The following STARD9 variants were observed in gnomAD, a reference collection of about 807,000 sequenced individuals.
The protein encoded by STARD9 is stAR-related lipid transfer protein 9.
Under a neutral mutation model 399.8 loss-of-function variants are expected in STARD9, and 346 were observed. The observed-to-expected ratio is 0.87, with a 90% CI of 0.79 to 0.95. The LOEUF (loss-of-function observed/expected upper bound fraction) is 0.95. Ranked by LOEUF, STARD9 falls within the 40% of genes least tolerant of loss-of-function variation. STARD9 has a pLI of 0.00. For synonymous variants in STARD9, 2,203 were observed against 2,143.5 expected (o/e 1.03, Z -0.77); for missense variants, 5,832 against 5,667.5 (o/e 1.03, Z -0.93).
intron 7 of STARD9, among the ~76,000 whole-genome samples, chr15:42,643,133 C>G (rs897196796): frequency 1.3e-5 from 2 of 151,850 alleles, no homozygotes; most frequent in African/African-American, 4.8e-5. Context: ...ATTACAAGCC[C>G]CAAATCTTCT....
chr15:42,578,201 C>T (rs1014814453), intron 1 of STARD9, among the ~76,000 whole-genome samples: 1 of 151,854 alleles, frequency 6.6e-6, no homozygotes, highest in East Asian at 1.9e-4. Context: ...ACCTCCGCCT[C>T]CTGGGTTCAA....
chr15:42,614,433 G>A (rs930543066), intron 3 of STARD9, among the ~76,000 whole-genome samples: 1 of 152,116 alleles, frequency 6.6e-6, no homozygotes, highest in Non-Finnish European at 1.5e-5. Context: ...AATGAATGAT[G>A]AGCTCAAACT....
intron 26 of STARD9, among the ~76,000 whole-genome samples, chr15:42,715,886 G>T (rs1331374575): frequency 6.6e-6 from 1 of 152,170 alleles, no homozygotes; most frequent in Non-Finnish European, 1.5e-5. Context: ...GGGGCAACAA[G>T]TGAAGAGACT....
At chr15:42,640,736 G>T (rs1308418208) in intron 7 of STARD9, among the ~76,000 whole-genome samples, 1 of 141,406 alleles carries the variant, frequency 7.1e-6, no homozygotes, top group Non-Finnish European at 1.5e-5. Flanking sequence ...CGGGAGAATC[G>T]CTTGAACCTG....
At chr15:42,710,467 C>T (rs574388201) in intron 26 of STARD9, among the ~76,000 whole-genome samples, 1 of 152,182 alleles carries the variant, frequency 6.6e-6, no homozygotes, top group East Asian at 1.9e-4. Flanking sequence ...TTCATTACCC[C>T]CCTAGTTATT....
chr15:42,662,559 CAAAAT>C (rs1329389217), intron 10 of STARD9, among the ~76,000 whole-genome samples: 2 of 152,124 alleles, frequency 1.3e-5, no homozygotes, highest in African/African-American at 2.4e-5. Context: ...TTCTGACAGT[CAAAAT>C]AAAAACAGAA....
chr15:42,638,710 A>G lies in STARD9; in HGVS notation c.457A>G (p.Ile153Val). 6.5e-7 allele frequency: 1 copy of G among 1,533,998 alleles called. No individual in the cohort carries two copies. The highest frequency in any genetic ancestry group is 1.2e-5 in the South Asian group (1 of 83,422). Residue 153 changes from isoleucine to valine, a missense_variant, in exon 7 of 33, where the codon ATC becomes GTC. Physicochemically the swap from Ile to Val is conservative, Grantham distance 29. Coordinates refer to ENST00000290607, the MANE Select transcript of STARD9 (RefSeq NM_020759.3). ...SCRIKVSFLEIYNERVRDLLK... is the reference protein window; with the variant it reads ...SCRIKVSFLEVYNERVRDLLK... ...TCTACTTAACTCTAGTTTTCTAGAA[A>G]TCTATAATGAACGGGTGCGGGATCT...
At position 42,687,090 on chromosome 15, in the gene STARD9, A is replaced by G. The variant is rs1395834553; in HGVS notation, c.5512A>G (p.Asn1838Asp). Residue 1838 changes from asparagine (N) to aspartate (D), a missense_variant, in exon 23 of 33, where the codon AAT becomes GAT. Physicochemically the swap from Asn to Asp is conservative, Grantham distance 23 (BLOSUM62 1). Around this residue, in one of 2 missense-constraint regions of STARD9, gnomAD observed 5,828 missense variants for 5,651.1 expected, o/e 1.03. Coordinates refer to ENST00000290607, the MANE Select transcript of STARD9 (RefSeq NM_020759.3). ...CAGAGAATCAGGTAAATGCCCTGGA[A>G]ATATTACAGAAGAAAGCCATGATTC... The part of the protein sequence containing the change: ...VIRESGKCPG[N>D]ITEESHDSVY... The G allele has an allele frequency of 6.5e-7, 1 of 1,537,260 alleles. No individual in the cohort carries two copies. Among genetic ancestry groups the G allele is most frequent in the Non-Finnish European group, 8.7e-7 (1 of 1,146,928 alleles).
At chr15:42,643,230 T>G (rs1247756450) in intron 7 of STARD9, among the ~76,000 whole-genome samples, 1 of 152,112 alleles carries the variant, frequency 6.6e-6, no homozygotes, top group Non-Finnish European at 1.5e-5. Flanking sequence ...GGAGTCTTGC[T>G]TTGTCACCCA....
At chr15:42,683,679 T>A (rs1169237009) in intron 22 of STARD9, among the ~76,000 whole-genome samples, 11 of 152,162 alleles carry the variant, frequency 7.2e-5, no homozygotes, top group Admixed American at 6.5e-4. Flanking sequence ...CACACTGCAT[T>A]TGTTTGTTGT....
rs567963038 is a variant in STARD9 at position 42,717,747 on chromosome 15, C to T, written c.13511C>T (p.Ser4504Leu). 3.1e-4 allele frequency: 469 copies of T among 1,537,166 alleles called. No homozygotes were observed. Among genetic ancestry groups the T allele is most frequent in the Middle Eastern group, 5.0e-4 (3 of 5,990 alleles). The change falls in exon 29 of 33, where the codon TCG becomes TTG. Residue 4504 changes from serine to leucine, a missense_variant. Around this residue, in one of 2 missense-constraint regions of STARD9, gnomAD observed 5,828 missense variants for 5,651.1 expected, o/e 1.03. Coordinates refer to ENST00000290607, the MANE Select transcript of STARD9 (RefSeq NM_020759.3). ...TSMADVMAAC[S>L]DNLHNLFSCQ... is the part of the protein sequence containing the mutation. ...TGTCCCCAGGTAATGGCTGCTTGTTCGGATAATTTGCACAACCTCTTCAGC... is the reference window on the plus strand; with the variant it reads ...TGTCCCCAGGTAATGGCTGCTTGTTTGGATAATTTGCACAACCTCTTCAGC...
At chr15:42,622,342 T>G (rs530178496) in intron 3 of STARD9, among the ~76,000 whole-genome samples, 25 of 152,206 alleles carry the variant, frequency 1.6e-4, no homozygotes, top group East Asian at 1.4e-3. Context: ...TAGCTCGCTC[T>G]CTCTCTCCCT....
At chr15:42,634,749 T>A in intron 3 of STARD9, 107 bp from the exon 4 acceptor site, 1 of 580,948 alleles carries the variant, frequency 1.7e-6, no homozygotes, top group Non-Finnish European at 3.0e-6. Flanking sequence ...GAATTAATAG[T>A]CATGTATGTT....
Position 42,685,233 on chromosome 15 carries a change from C to T in STARD9, c.3655C>T (p.Gln1219Ter). 6.5e-7 allele frequency: 1 copy of T among 1,537,310 alleles called. No homozygotes were observed. The highest frequency in any genetic ancestry group is 8.7e-7 in the Non-Finnish European group (1 of 1,146,942). Reference protein sequence around the residue: ...DAEEELGEDQQEEPFPGSADE... With the variant: ...DAEEELGEDQ The stretch of plus-strand genomic sequence containing the variant: ...AGAGGAAGAACTGGGGGAAGATCAG[C>T]AAGAAGAACCTTTCCCTGGTTCAGC... Residue 1219 changes from glutamine (Q) to a stop codon, truncating the protein, a stop_gained, in exon 23 of 33, where the codon CAA (glutamine) becomes TAA (stop). Coordinates refer to ENST00000290607, the MANE Select transcript of STARD9 (RefSeq NM_020759.3). LOFTEE classifies it high-confidence loss of function.
At position 42,663,391 on chromosome 15, in the gene STARD9, C is replaced by A; in HGVS notation, c.979C>A (p.Pro327Thr). 1.3e-6 allele frequency: 2 copies of A among 1,537,272 alleles called. No individual in the cohort carries two copies. Among genetic ancestry groups the A allele is most frequent in the Non-Finnish European group, 8.7e-7 (1 of 1,146,910 alleles). The change falls in exon 12 of 33, where the codon CCC becomes ACC. Residue 327 changes from proline (P) to threonine (T), a missense_variant. Around this residue, in one of 2 missense-constraint regions of STARD9, gnomAD observed 5,828 missense variants for 5,651.1 expected, o/e 1.03. Transcript: ENST00000290607. ...SPSGTSSGGA[P>T]SRRQSYIPYR... ...TTCTGGGACCAGCAGTGGAGGGGCA[C>A]CCTCCCGAAGGCAGTCTTATATCCC...
Position 42,693,844 on chromosome 15 carries a change from C to T in STARD9, c.12266C>T (p.Pro4089Leu), listed in dbSNP as rs116737895. 220 of 1,536,718 alleles carry T rather than the reference C, an allele frequency of 1.4e-4. No homozygotes were observed. The highest frequency in any genetic ancestry group is 5.0e-5 in the Non-Finnish European group (57 of 1,146,788). ...WGGLQHLSPC[P>L]VSELTDTAGL... is the part of the protein sequence containing the mutation. ...GGCCTCCAGCACCTCAGCCCCTGCC[C>T]TGTCTCTGAGTTGACTGATACTGCA... Residue 4089 changes from proline (P) to leucine (L), a missense_variant, in exon 23 of 33, where the codon CCT (proline) becomes CTT (leucine). Physicochemically the swap from Pro to Leu is moderately conservative, Grantham distance 98. This residue lies in a region of STARD9 where 5,828 missense variants were observed against 5,651.1 expected (regional missense o/e 1.03). Transcript: ENST00000290607.
At chr15:42,603,541 A>G (rs944062697) in intron 3 of STARD9, among the ~76,000 whole-genome samples, 2 of 152,210 alleles carry the variant, frequency 1.3e-5, no homozygotes, top group Admixed American at 6.5e-5. Context: ...TTACCGAGAC[A>G]GTGGAATCAC....
chr15:42,625,352 A>G (rs1484861286), intron 3 of STARD9, among the ~76,000 whole-genome samples: 1 of 141,994 alleles, frequency 7.0e-6, no homozygotes, highest in Non-Finnish European at 1.5e-5. Context: ...GTTTTTGGAG[A>G]CAGAGTCTGA....
chr15:42,676,756 C>T (rs1255003598), intron 20 of STARD9, among the ~76,000 whole-genome samples: 1 of 152,050 alleles, frequency 6.6e-6, no homozygotes. Flanking sequence ...AAAATTTCAG[C>T]AGGGGACTTG....
Sources: gnomAD v4.1 joint callset for allele counts (sites outside exome capture counted in the v4.1 genomes callset) on GRCh38, gnomAD v4.1.1 for gene constraint, gnomAD v4.1.1 regional missense constraint, MANE v1.5 for transcripts, NCBI Gene and HGNC (gene_info 2026-07-23, HGNC 2026-07-21) for gene names.